The following MTUS2 variants were observed in gnomAD, a reference collection of about 807,000 sequenced individuals.
MTUS2 encodes microtubule-associated tumor suppressor candidate 2.
Under a neutral mutation model 114.1 loss-of-function variants are expected in MTUS2, and 40 were observed. The observed-to-expected ratio is 0.35, with a 90% CI of 0.27 to 0.46. MTUS2 has a LOEUF of 0.46. MTUS2 is among the 20% of genes least tolerant of loss of function. MTUS2 has a pLI of 1.00. For missense variants in MTUS2, 1,679 were observed against 1,705.4 expected (o/e 0.98, Z 0.27); for synonymous variants, 688 against 672.0 (o/e 1.02, Z -0.37).
intron 5 of MTUS2, among the ~76,000 whole-genome samples, chr13:29,133,426 C>A (rs1468264736): frequency 6.6e-6 from 1 of 152,058 alleles, no homozygotes; most frequent in Non-Finnish European, 1.5e-5. Context: ...GAAATCATTG[C>A]CAAATCCAAT....
At chr13:29,410,864 C>G (rs1199967742) in intron 8 of MTUS2, among the ~76,000 whole-genome samples, 2 of 151,716 alleles carry the variant, frequency 1.3e-5, no homozygotes, top group African/African-American at 2.4e-5. Context: ...CAGAGTCTCA[C>G]CCTGTTGCCC....
chr13:29,178,011 CAT>C (rs901708602), intron 5 of MTUS2, among the ~76,000 whole-genome samples: 9 of 152,116 alleles, frequency 5.9e-5, no homozygotes, highest in African/African-American at 2.2e-4. Flanking sequence ...CTTGGCAACA[CAT>C]AAAATGTCAA....
intron 4 of MTUS2, among the ~76,000 whole-genome samples, chr13:29,097,799 C>T (rs1341431833): frequency 6.6e-6 from 1 of 152,138 alleles, no homozygotes; most frequent in Non-Finnish European, 1.5e-5. Flanking sequence ...AACCTAATTA[C>T]CTCCTAAAGG....
chr13:29,130,390 G>C (rs914377038), intron 5 of MTUS2, among the ~76,000 whole-genome samples: 30 of 151,898 alleles, frequency 2.0e-4, no homozygotes, highest in African/African-American at 7.3e-4. Context: ...TTCTGCCCAG[G>C]CACCGGGCTC....
intron 5 of MTUS2, among the ~76,000 whole-genome samples, chr13:29,202,941 T>C (rs1170031901): frequency 1.3e-5 from 2 of 152,172 alleles, no homozygotes; most frequent in Non-Finnish European, 2.9e-5. Flanking sequence ...GAGGTGTCTG[T>C]TGACCCCTGC....
rs1465430927 is a variant in MTUS2 at position 29,375,601 on chromosome 13, ATATATACGT to A, written c.3117+16129_3117+16137del. The stretch of plus-strand genomic sequence containing the variant: ...TATATATATATACGTATATATATAT[ATATATACGT>A]ATATATATATATATATATATATATA... On this transcript the variant is annotated intron_variant, in intron 8 of 15. Coordinates refer to ENST00000612955, the MANE Select transcript of MTUS2 (RefSeq NM_001033602.4). Among the ~76,000 whole-genome samples the A allele has an allele frequency of 3.2e-3, 14 of 4,312 alleles. 1 individual carries two copies. Among genetic ancestry groups the A allele is most frequent in the South Asian group, 0.015 (1 of 68 alleles). The allele number at this position is 4,312 out of a possible 152,430, so 2.8% of individuals were successfully genotyped here. A position where few individuals can be genotyped will look rare whatever the true frequency, so the allele number is the denominator to read the frequency against.
chr13:28,849,679 CA>C (rs549878267), intron 2 of MTUS2, among the ~76,000 whole-genome samples: 55 of 152,014 alleles, frequency 3.6e-4, no homozygotes, highest in Non-Finnish European at 6.9e-4. Flanking sequence ...CTTGACTTCC[CA>C]ATTTCTCTCT....
rs548752084 is a variant in MTUS2, at chr13:29,311,055, G to A, written c.2807-13558G>A. ...TGGATCATTATTTGTCAATGCAAATGATGAACTGGGGCTACATGTGGATGA... is the reference window on the plus strand; with the variant it reads ...TGGATCATTATTTGTCAATGCAAATAATGAACTGGGGCTACATGTGGATGA... On this transcript the variant is annotated intron_variant, in intron 6 of 15. Coordinates refer to ENST00000612955, the MANE Select transcript of MTUS2 (RefSeq NM_001033602.4). 7.9e-5 allele frequency among the ~76,000 whole-genome samples: 12 copies of A among 152,358 alleles called. No individual in the cohort carries two copies. In the South Asian group the frequency reaches 1.7e-3, roughly 21 times the overall value.
intron 2 of MTUS2, among the ~76,000 whole-genome samples, chr13:28,992,551 A>G (rs185328634): frequency 4.6e-5 from 7 of 152,248 alleles, no homozygotes; most frequent in East Asian, 1.9e-4. Context: ...ACACTTGCAT[A>G]CTTCCAGGAA....
intron 5 of MTUS2, among the ~76,000 whole-genome samples, chr13:29,187,084 A>G (rs921153056): frequency 2.6e-5 from 4 of 152,196 alleles, no homozygotes; most frequent in African/African-American, 4.8e-5. Flanking sequence ...AACACAACAT[A>G]CTAAAACTTA....
intron 5 of MTUS2, among the ~76,000 whole-genome samples, chr13:29,145,200 T>G (rs541071267): frequency 6.6e-6 from 1 of 152,168 alleles, no homozygotes; most frequent in East Asian, 1.9e-4. Context: ...AATTTACATA[T>G]GTCTTAAATA....
intron 8 of MTUS2, among the ~76,000 whole-genome samples, chr13:29,430,058 A>T (rs1053100673): frequency 3.9e-5 from 6 of 152,254 alleles, no homozygotes; most frequent in African/African-American, 7.2e-5. Flanking sequence ...TGCTTTTAAC[A>T]AAAAGAAATA....
At chr13:29,368,084 G>C (rs959862495) in intron 8 of MTUS2, among the ~76,000 whole-genome samples, 6 of 151,922 alleles carry the variant, frequency 3.9e-5, no homozygotes, top group African/African-American at 1.5e-4. Context: ...GACTACAGGT[G>C]CCTGCCACCG....
At chr13:29,075,351 T>C (rs923488876) in intron 4 of MTUS2, among the ~76,000 whole-genome samples, 2 of 152,218 alleles carry the variant, frequency 1.3e-5, no homozygotes, top group Non-Finnish European at 2.9e-5. Flanking sequence ...CTCTACCATC[T>C]GGACTTTTGA....
chr13:29,495,256 G>A (rs1882465522), intron 12 of MTUS2, among the ~76,000 whole-genome samples: 1 of 149,122 alleles, frequency 6.7e-6, no homozygotes, highest in Non-Finnish European at 1.5e-5. Context: ...TACTTGGGAG[G>A]CTGAGGCACG....
intron 7 of MTUS2, among the ~76,000 whole-genome samples, chr13:29,327,968 T>C (rs1900597494): frequency 6.6e-6 from 1 of 152,228 alleles, no homozygotes; most frequent in African/African-American, 2.4e-5. Flanking sequence ...TTAATTTGCC[T>C]TTTGCTAATA....
At chr13:29,161,393 A>T (rs1357130811) in intron 5 of MTUS2, among the ~76,000 whole-genome samples, 1 of 151,624 alleles carries the variant, frequency 6.6e-6, no homozygotes, top group African/African-American at 2.4e-5. Context: ...TGATTTTTTG[A>T]TTTGTATAAA....
intron 2 of MTUS2, among the ~76,000 whole-genome samples, chr13:28,912,312 G>A (rs1286005144): frequency 6.6e-6 from 1 of 152,186 alleles, no homozygotes; most frequent in African/African-American, 2.4e-5. Context: ...TCGAAGATCA[G>A]ATGGCTGTAG....
At chr13:29,135,650 T>G (rs939844505) in intron 5 of MTUS2, among the ~76,000 whole-genome samples, 3 of 152,210 alleles carry the variant, frequency 2.0e-5, no homozygotes, top group Non-Finnish European at 4.4e-5. Flanking sequence ...GGTGATTTTT[T>G]TTTTAGTAAA....
Sources: allele counts gnomAD v4.1 joint callset (sites outside exome capture counted in the v4.1 genomes callset), GRCh38; gene constraint gnomAD v4.1.1; transcripts MANE v1.5; gene names NCBI Gene and HGNC (gene_info 2026-07-23, HGNC 2026-07-21).